The following PLEK2 variants were observed in gnomAD, a reference collection of about 807,000 sequenced individuals.
PLEK2 encodes pleckstrin-2.
In PLEK2, 29 loss-of-function variants were observed where a neutral mutation model predicts 43.8. The observed-to-expected ratio is 0.66, with a 90% CI of 0.49 to 0.90. The LOEUF (loss-of-function observed/expected upper bound fraction) is 0.90, where lower values mean the gene tolerates loss of function less well. Among genes scored for constraint, PLEK2 ranks in the 40% least tolerant of loss-of-function variants. The probability of loss-of-function intolerance (pLI) is 0.00; values close to 1 mark genes in which losing one functional copy is unlikely to be tolerated. For synonymous variants in PLEK2, 162 were observed against 173.2 expected (o/e 0.94, Z 0.51); for missense variants, 398 against 448.1 (o/e 0.89, Z 1.01).
At chr14:67,394,428 C>A (rs183847833) in intron 3 of PLEK2, among the ~76,000 whole-genome samples, 78 of 152,224 alleles carry the variant, frequency 5.1e-4, no homozygotes, top group Non-Finnish European at 9.1e-4. Context: ...CCCAAGAGTG[C>A]ACAGTAGCCC....
intron 6 of PLEK2, among the ~76,000 whole-genome samples, chr14:67,391,584 G>A (rs921588254): frequency 1.1e-4 from 16 of 152,222 alleles, no homozygotes; most frequent in Non-Finnish European, 2.1e-4. Flanking sequence ...AACGATGGGA[G>A]TGGTGCCGAG....
At chr14:67,398,918 T>C (rs1770992598) in intron 1 of PLEK2, among the ~76,000 whole-genome samples, 1 of 152,250 alleles carries the variant, frequency 6.6e-6, no homozygotes, top group South Asian at 2.1e-4. Flanking sequence ...CTGTAAAACA[T>C]ATTTTTAATG....
chr14:67,404,391 G>A (rs1462630666), intron 1 of PLEK2, among the ~76,000 whole-genome samples: 3 of 152,050 alleles, frequency 2.0e-5, no homozygotes, highest in East Asian at 1.9e-4. Flanking sequence ...AGGAGGCTGA[G>A]GCAGGAGGAT....
Position 67,397,682 on chromosome 14 carries a change from G to A in PLEK2, c.187C>T (p.Leu63=), listed in dbSNP as rs2086020150. The A allele has an allele frequency of 6.2e-7, 1 of 1,612,410 alleles. No homozygotes were observed. The highest frequency in any genetic ancestry group is 8.5e-7 in the Non-Finnish European group (1 of 1,179,254). ...CTTACCGGTCGGTTTTCATACTCCA[G>A]GCAGGGGCAGGTGATGGTGCAGCCA... The part of the protein sequence containing the change: ...LDGCTITCPC[L]EYENRPLLIK... The change falls in exon 2 of 9, where the codon CTG becomes TTG. Residue 63 remains leucine (L), a synonymous_variant. Transcript: ENST00000216446.
rs762289758 is a variant in PLEK2 at position 67,392,421 on chromosome 14, T to C, written c.676A>G (p.Ser226Gly). The change falls in exon 6 of 9, where the codon AGC becomes GGC. Residue 226 changes from serine (S) to glycine (G), a missense_variant. Ser to Gly is a moderately conservative substitution (Grantham distance 56). Coordinates refer to ENST00000216446, the MANE Select transcript of PLEK2 (RefSeq NM_016445.3). ...TTGGGGCTTATCTTCTTTTTGTAGC[T>C]CTCAGCCTAGGGGGAAGGAGGGAGC... The part of the protein sequence containing the change: ...DSTALYTFAE[S>G]YKKKISPKEE... The C allele has an allele frequency of 6.2e-7, 1 of 1,611,720 alleles. No individual in the cohort carries two copies. The highest frequency in any genetic ancestry group is 8.5e-7 in the Non-Finnish European group (1 of 1,177,880).
In PLEK2 at chr14:67,392,846, G is replaced by A. The variant is rs1241258013; in HGVS notation, c.485C>T (p.Ser162Phe). The change falls in exon 5 of 9, where the codon TCC (serine) becomes TTC (phenylalanine). Residue 162 changes from serine (S) to phenylalanine (F), a missense_variant. Transcript: ENST00000216446. ...GSTYKKTFLG[S>F]SLVDWLISNS... ...GGAGATGAGCCAGTCCACCAGGGAG[G>A]AGCCTGGCCAAGGGCAGCACCAGTC... is the stretch of plus-strand genomic sequence containing the variant. The A allele has an allele frequency of 8.1e-6, 13 of 1,609,028 alleles. No individual in the cohort carries two copies. Among genetic ancestry groups the A allele is most frequent in the East Asian group, 4.5e-5 (2 of 44,726 alleles).
intron 7 of PLEK2, among the ~76,000 whole-genome samples, chr14:67,389,674 C>T (rs557241824): frequency 6.6e-6 from 1 of 151,720 alleles, no homozygotes; most frequent in East Asian, 1.9e-4. Flanking sequence ...TCTCAGTTTC[C>T]TATTTTAAAA....
chr14:67,398,774 T>A (rs1182768397), intron 1 of PLEK2, among the ~76,000 whole-genome samples: 1 of 152,176 alleles, frequency 6.6e-6, no homozygotes, highest in Non-Finnish European at 1.5e-5. Flanking sequence ...CCTAGGCTGG[T>A]CTTGAAGAAC....
In PLEK2 at chr14:67,412,093, C is replaced by T. The variant is rs1470926489; in HGVS notation, c.-34G>A. 6.7e-7 allele frequency: 1 copy of T among 1,489,368 alleles called. No homozygotes were observed. The highest frequency in any genetic ancestry group is 2.4e-5 in the Admixed American group (1 of 42,184). The allele number at this position is 1,489,368 out of a possible 1,614,324, so 92.3% of individuals were successfully genotyped here. ...CCGCACGCCAGGGCCACCCCAGGTGCGCCTTCCCCGCGCCTCGCGCTCCTC... is the reference window on the plus strand; with the variant it reads ...CCGCACGCCAGGGCCACCCCAGGTGTGCCTTCCCCGCGCCTCGCGCTCCTC... On this transcript the variant is annotated 5_prime_UTR_variant, in exon 1 of 9. Coordinates refer to ENST00000216446, the MANE Select transcript of PLEK2 (RefSeq NM_016445.3).
Position 67,408,356 on chromosome 14 carries a change from A to AAATAT in PLEK2, c.42+3661_42+3662insATATT, listed in dbSNP as rs1428993071. The stretch of plus-strand genomic sequence containing the variant: ...AAATAAAATAAAATAAAATAAAATA[A>AAATAT]AAAAAGAAAAAACAAAGATGGGATG... On this transcript the variant is annotated intron_variant, in intron 1 of 8. Coordinates refer to ENST00000216446, the MANE Select transcript of PLEK2 (RefSeq NM_016445.3). 3.6e-4 allele frequency among the ~76,000 whole-genome samples: 54 copies of AAATAT among 150,376 alleles called. No homozygotes were observed. In the East Asian group the frequency reaches 4.5e-3, roughly 13 times the overall value.
intron 1 of PLEK2, among the ~76,000 whole-genome samples, chr14:67,405,169 G>A (rs1408310715): frequency 6.8e-6 from 1 of 146,054 alleles, no homozygotes; most frequent in Non-Finnish European, 1.5e-5. Flanking sequence ...GGAAGTGGAG[G>A]TTGCAGTGAG....
chr14:67,409,183 C>T (rs904653019), intron 1 of PLEK2, among the ~76,000 whole-genome samples: 1 of 152,018 alleles, frequency 6.6e-6, no homozygotes, highest in Non-Finnish European at 1.5e-5. Context: ...GTCAAGGCTG[C>T]AGTGAGCCTT....
intron 2 of PLEK2, among the ~76,000 whole-genome samples, chr14:67,397,137 C>T (rs898677603): frequency 6.6e-6 from 1 of 152,110 alleles, no homozygotes; most frequent in African/African-American, 2.4e-5. Flanking sequence ...TGGGGTTTCA[C>T]CATGTTGGCC....
chr14:67,408,787 C>A (rs565767579), intron 1 of PLEK2, among the ~76,000 whole-genome samples: 1 of 152,146 alleles, frequency 6.6e-6, no homozygotes, highest in African/African-American at 2.4e-5. Flanking sequence ...TTTTCTTCTA[C>A]GCATATTTTT....
Position 67,387,469 on chromosome 14 carries a change from AAGG to A in PLEK2, c.935-16_935-14del. 6.3e-7 allele frequency: 1 copy of A among 1,597,000 alleles called. No individual in the cohort carries two copies. Among genetic ancestry groups the A allele is most frequent in the Non-Finnish European group, 8.5e-7 (1 of 1,174,290 alleles). On this transcript the variant is annotated splice_polypyrimidine_tract_variant and intron_variant, in intron 8 of 8. Coordinates refer to ENST00000216446, the MANE Select transcript of PLEK2 (RefSeq NM_016445.3). ...TTCCCTTTAACCCCTAGGCAGAAAAAAGGGGGAAAAAAATCAGTGATTGAATAG... is the reference window on the plus strand; with the variant it reads ...TTCCCTTTAACCCCTAGGCAGAAAAAGGGAAAAAAATCAGTGATTGAATAG...
chr14:67,387,400 G>A lies in PLEK2; in HGVS notation c.991C>T (p.His331Tyr). Residue 331 changes from histidine to tyrosine, a missense_variant, in exon 9 of 9, where the codon CAC (histidine) becomes TAC (tyrosine). By Grantham distance (83) the His-to-Tyr change is moderately conservative. Coordinates refer to ENST00000216446, the MANE Select transcript of PLEK2 (RefSeq NM_016445.3). ...LFKVITKDDT[H>Y]YYIQASSKAE... is the part of the protein sequence containing the mutation. ...TTGCTGCTGGCCTGAATGTAATAGT[G>A]TGTGTCATCCTTAGTAATCACTTTG... The A allele has an allele frequency of 6.2e-7, 1 of 1,610,608 alleles. No individual in the cohort carries two copies. Among genetic ancestry groups the A allele is most frequent in the Non-Finnish European group, 8.5e-7 (1 of 1,178,616 alleles).
rs758028918 is a variant in PLEK2, at chr14:67,392,718, G to A, written c.613C>T (p.Arg205Cys). 5.6e-6 allele frequency: 9 copies of A among 1,614,174 alleles called. No homozygotes were observed. The highest frequency in any genetic ancestry group is 4.5e-5 in the East Asian group (2 of 44,876). ...AACTGCTCGGCCAGATCCCCAGAGC[G>A]AATGGCTCCCATGCTTCGGACACCC... ...PVGVRSMGAI[R>C]SGDLAEQFLD... is the part of the protein sequence containing the mutation. The change falls in exon 5 of 9, where the codon CGC becomes TGC. Residue 205 changes from arginine to cysteine, a missense_variant. Physicochemically the swap from Arg to Cys is radical, Grantham distance 180 (BLOSUM62 -3). Coordinates refer to ENST00000216446, the MANE Select transcript of PLEK2 (RefSeq NM_016445.3).
At chr14:67,396,992 G>A (rs891127259) in intron 2 of PLEK2, among the ~76,000 whole-genome samples, 1 of 150,156 alleles carries the variant, frequency 6.7e-6, no homozygotes, top group East Asian at 2.0e-4. Context: ...AGGCTGGAGT[G>A]CAGTGGCGTG....
intron 2 of PLEK2, 104 bp downstream of exon 2, chr14:67,397,558 C>T: frequency 3.1e-6 from 3 of 969,596 alleles, no homozygotes; most frequent in Non-Finnish European, 3.0e-6. Context: ...TTTTTCAATT[C>T]TAACTCTGAG....
Sources: allele counts gnomAD v4.1 joint callset (sites outside exome capture counted in the v4.1 genomes callset), GRCh38; gene constraint gnomAD v4.1.1; transcripts MANE v1.5; gene names NCBI Gene and HGNC (gene_info 2026-07-23, HGNC 2026-07-21).